Variants in NRXN1 observed in about 807,000 individuals in gnomAD.
NRXN1 encodes the protein neurexin 1.
Under a neutral mutation model 150.9 loss-of-function variants are expected in NRXN1, and 39 were observed. The observed-to-expected ratio is 0.26, with a 90% CI of 0.20 to 0.34. NRXN1 has a LOEUF of 0.34. NRXN1 is among the 10% of genes least tolerant of loss of function. The pLI is 1.00. For synonymous variants in NRXN1, 924 were observed against 757.0 expected (o/e 1.22, Z -3.62); for missense variants, 1,815 against 1,949.9 (o/e 0.93, Z 1.30).
At chr2:50,930,718 G>A (rs1687614970) in intron 2 of NRXN1, among the ~76,000 whole-genome samples, 1 of 152,112 alleles carries the variant, frequency 6.6e-6, no homozygotes, top group Admixed American at 6.6e-5. Context: ...ATGGTGACAA[G>A]CACAGTCTAC....
At position 49,920,507 on chromosome 2, in the gene NRXN1, T is replaced by C. The variant is rs1428531105; in HGVS notation, c.*1437A>G. On this transcript the variant is annotated 3_prime_UTR_variant, in exon 23 of 23. Coordinates refer to ENST00000401669, the MANE Select transcript of NRXN1 (RefSeq NM_001330078.2). ...TGATATTCTATTTGATAAGGAAAGG[T>C]TCATTTCTTTAGGGACTAAAATCTT... 6.6e-6 allele frequency: 1 copy of C among 152,494 alleles called. No homozygotes were observed. Among genetic ancestry groups the C allele is most frequent in the African/African-American group, 2.4e-5 (1 of 41,390 alleles). 9.4% of individuals were successfully genotyped at this position (152,494 alleles called of 1,614,324 possible).
chr2:50,410,010 G>C (rs1012206997), intron 17 of NRXN1, among the ~76,000 whole-genome samples: 1 of 151,908 alleles, frequency 6.6e-6, no homozygotes, highest in African/African-American at 2.4e-5. Context: ...CATTCCCTAC[G>C]TGAACCCTTT....
intron 5 of NRXN1, among the ~76,000 whole-genome samples, chr2:50,697,911 C>T (rs1469563512): frequency 6.6e-6 from 1 of 152,268 alleles, no homozygotes; most frequent in Non-Finnish European, 1.5e-5. Flanking sequence ...GCTCTTCACA[C>T]GGCTGCACTT....
intron 18 of NRXN1, among the ~76,000 whole-genome samples, chr2:50,153,358 AAATG>A (rs2152775161): frequency 6.6e-6 from 1 of 151,448 alleles, no homozygotes; most frequent in East Asian, 1.9e-4. Context: ...TTTTTCCTTT[AAATG>A]AGTCATACTT....
chr2:50,038,478 T>C (rs1690390197), intron 21 of NRXN1, among the ~76,000 whole-genome samples: 1 of 152,130 alleles, frequency 6.6e-6, no homozygotes, highest in South Asian at 2.1e-4. Flanking sequence ...GTAAGTGAGC[T>C]TGAAAGTGAA....
At chr2:50,062,488 C>A (rs542596525) in intron 19 of NRXN1, among the ~76,000 whole-genome samples, 1 of 152,120 alleles carries the variant, frequency 6.6e-6, no homozygotes, top group African/African-American at 2.4e-5. Context: ...ATTTTATTAT[C>A]ATTGCCCAAA....
intron 8 of NRXN1, among the ~76,000 whole-genome samples, chr2:50,606,459 G>A (rs550965875): frequency 5.3e-5 from 8 of 151,702 alleles, no homozygotes; most frequent in South Asian, 2.1e-4. Context: ...GAAATGGGGA[G>A]TTGCCAATCA....
chr2:49,954,563 G>C (rs1674592109), intron 21 of NRXN1, among the ~76,000 whole-genome samples: 1 of 152,098 alleles, frequency 6.6e-6, no homozygotes, highest in South Asian at 2.1e-4. Context: ...CTAATTAAAG[G>C]AGAGAAAGAG....
At chr2:50,830,007 A>G (rs1171628273) in intron 5 of NRXN1, among the ~76,000 whole-genome samples, 1 of 59,652 alleles carries the variant, frequency 1.7e-5, no homozygotes, top group Non-Finnish European at 5.5e-5. Flanking sequence ...TGGAAAAAAA[A>G]AAAAAAAAAA....
intron 17 of NRXN1, among the ~76,000 whole-genome samples, chr2:50,455,601 G>C (rs2087475655): frequency 6.6e-6 from 1 of 152,154 alleles, no homozygotes; most frequent in African/African-American, 2.4e-5. Context: ...CTGCAGCTAA[G>C]AGGAAATGGT....
chr2:50,037,595 A>G (rs1447354590), intron 21 of NRXN1, among the ~76,000 whole-genome samples: 1 of 152,216 alleles, frequency 6.6e-6, no homozygotes. Context: ...ACTGAAGGCT[A>G]TTGTGCTGGC....
intron 19 of NRXN1, among the ~76,000 whole-genome samples, chr2:50,081,789 T>C (rs1037115469): frequency 2.0e-5 from 3 of 152,130 alleles, no homozygotes; most frequent in Non-Finnish European, 4.4e-5. Flanking sequence ...AATATGTCTG[T>C]GCTATTTAAT....
At chr2:50,707,507 A>T (rs1480679305) in intron 5 of NRXN1, among the ~76,000 whole-genome samples, 1 of 152,098 alleles carries the variant, frequency 6.6e-6, no homozygotes, top group Non-Finnish European at 1.5e-5. Flanking sequence ...TTGTACTTTC[A>T]GCTTTTTTGT....
intron 8 of NRXN1, among the ~76,000 whole-genome samples, chr2:50,580,421 G>A (rs1672088521): frequency 6.6e-6 from 1 of 151,978 alleles, no homozygotes; most frequent in African/African-American, 2.4e-5. Context: ...TCAACACATT[G>A]GTGTTAATTA....
chr2:50,133,962 C>T (rs767192410), intron 18 of NRXN1, among the ~76,000 whole-genome samples: 13 of 152,214 alleles, frequency 8.5e-5, no homozygotes, highest in South Asian at 4.1e-4. Flanking sequence ...CTGCTGAGAC[C>T]TTCTCTAAAC....
In NRXN1 at chr2:50,382,425, G is replaced by C. The variant is rs140201700; in HGVS notation, c.3364+83017C>G. 9.2e-5 allele frequency among the ~76,000 whole-genome samples: 14 copies of C among 152,262 alleles called. No homozygotes were observed. The East Asian group carries it at 2.7e-3, about 29-fold the overall frequency. Reference sequence around the variant, plus strand: ...TCAAGACTTTTACAGACTTTACTTAGTTTAATTATCATGGGACGTCAGAGG... The same window carrying C: ...TCAAGACTTTTACAGACTTTACTTACTTTAATTATCATGGGACGTCAGAGG... On this transcript the variant is annotated intron_variant, in intron 17 of 22. Transcript: ENST00000401669.
At chr2:49,993,652 G>A (rs1267021341) in intron 21 of NRXN1, among the ~76,000 whole-genome samples, 1 of 152,128 alleles carries the variant, frequency 6.6e-6, no homozygotes, top group Non-Finnish European at 1.5e-5. Context: ...GGGGCAGGGA[G>A]CATAAAGAAA....
intron 17 of NRXN1, among the ~76,000 whole-genome samples, chr2:50,385,200 T>A (rs1021268970): frequency 6.6e-6 from 1 of 152,248 alleles, no homozygotes; most frequent in African/African-American, 2.4e-5. Flanking sequence ...GATTGTTTTA[T>A]GCTGAAGTTA....
intron 15 of NRXN1, among the ~76,000 whole-genome samples, chr2:50,486,187 T>C (rs773132576): frequency 3.9e-5 from 6 of 152,170 alleles, no homozygotes; most frequent in South Asian, 2.1e-4. Flanking sequence ...ACTTATTTAA[T>C]GTAATGCTTT....
Sources: gnomAD v4.1 joint callset for allele counts (sites outside exome capture counted in the v4.1 genomes callset) on GRCh38, gnomAD v4.1.1 for gene constraint, MANE v1.5 for transcripts, NCBI Gene and HGNC (gene_info 2026-07-23, HGNC 2026-07-21) for gene names.